Variants in ADGRE2 observed in about 807,000 individuals in gnomAD.
The protein encoded by ADGRE2 is CD97 antigen.
A neutral mutation model predicts 100.8 loss-of-function variants in ADGRE2; 83 were observed. The ratio of observed to expected loss-of-function variants is 0.82; its 90% CI spans 0.69 to 0.99. The LOEUF is 0.99. Among genes scored for constraint, ADGRE2 ranks in the 50% least tolerant of loss-of-function variants. The pLI is 0.00. For synonymous variants in ADGRE2, 355 were observed against 413.0 expected, an observed-to-expected ratio of 0.86 and a Z score of 1.70; for missense variants, 814 against 1,035.7, an observed-to-expected ratio of 0.79 and a Z score of 2.94.
Position 14,738,229 on chromosome 19 carries a change from C to T in ADGRE2, c.2464-1985G>A, listed in dbSNP as rs533211420. ...AACATTTAAAAAGATCTATCTGTTT[C>T]CAAATGTATGTCTTGACCTCGGAGC... On this transcript the variant is annotated intron_variant, in intron 20 of 20. Coordinates refer to ENST00000315576, the MANE Select transcript of ADGRE2 (RefSeq NM_013447.4). Among the ~76,000 whole-genome samples the T allele has an allele frequency of 2.8e-3, 424 of 152,192 alleles. 1 individual carries two copies. The highest frequency in any genetic ancestry group is 0.02 in the Middle Eastern group (6 of 294).
intron 7 of ADGRE2, 191 bp downstream of exon 7, chr19:14,766,043 CT>C (rs1297782542): frequency 8.0e-6 from 10 of 1,257,378 alleles, no homozygotes; most frequent in South Asian, 7.1e-5. Flanking sequence ...TGGGGTCCCC[CT>C]GAGCCTCCCC....
intron 5 of ADGRE2, among the ~76,000 whole-genome samples, chr19:14,767,623 A>G (rs971541588): frequency 6.6e-6 from 1 of 152,130 alleles, no homozygotes; most frequent in Non-Finnish European, 1.5e-5. Context: ...TATGGCTGGA[A>G]GCATCTGAGT....
chr19:14,738,225 G>A (rs1054366962), intron 20 of ADGRE2, among the ~76,000 whole-genome samples: 4 of 152,138 alleles, frequency 2.6e-5, no homozygotes, highest in African/African-American at 7.2e-5. Flanking sequence ...AGATCTATCT[G>A]TTTCCAAATG....
In ADGRE2 at chr19:14,772,808, A is replaced by G. The variant is rs566878070; in HGVS notation, c.200-311T>C. ...TTTAAACCCCATGGCAGCCGGGTGCAGTGGCTCATACCTGTAATCCCAGCA... is the reference window on the plus strand; with the variant it reads ...TTTAAACCCCATGGCAGCCGGGTGCGGTGGCTCATACCTGTAATCCCAGCA... On this transcript the variant is annotated intron_variant, in intron 4 of 20. Coordinates refer to ENST00000315576, the MANE Select transcript of ADGRE2 (RefSeq NM_013447.4). 2.0e-5 allele frequency among the ~76,000 whole-genome samples: 3 copies of G among 151,302 alleles called. No homozygotes were observed. The South Asian group carries it at 6.3e-4, about 32-fold the overall frequency.
At chr19:14,744,508 T>C (rs1408580593) in intron 18 of ADGRE2, among the ~76,000 whole-genome samples, 1 of 152,110 alleles carries the variant, frequency 6.6e-6, no homozygotes, top group Non-Finnish European at 1.5e-5. Context: ...CAGGCTGGAG[T>C]GCAGTGGCGT....
At chr19:14,773,842 G>A in intron 4 of ADGRE2, 96 bp downstream of exon 4, 11 of 1,120,838 alleles carry the variant, frequency 9.8e-6, no homozygotes, top group African/African-American at 1.5e-5. Flanking sequence ...TGGAAGGTAA[G>A]GCTGTGGCCC....
At chr19:14,758,531 G>A (rs944601660) in intron 11 of ADGRE2, among the ~76,000 whole-genome samples, 1 of 152,226 alleles carries the variant, frequency 6.6e-6, no homozygotes, top group Non-Finnish European at 1.5e-5. Flanking sequence ...CAGGGAAATT[G>A]AGGATGTGGA....
chr19:14,754,224 G>A (rs1416187224), intron 14 of ADGRE2, among the ~76,000 whole-genome samples: 1 of 151,828 alleles, frequency 6.6e-6, no homozygotes, highest in Non-Finnish European at 1.5e-5. Context: ...GCCTGCAGAC[G>A]GCCTATCGTG....
In ADGRE2 at chr19:14,772,485, C is replaced by T; in HGVS notation, c.212G>A (p.Cys71Tyr). The T allele has an allele frequency of 1.2e-6, 2 of 1,613,908 alleles. No homozygotes were observed. The highest frequency in any genetic ancestry group is 1.7e-6 in the Non-Finnish European group (2 of 1,179,998). Residue 71 changes from cysteine (C) to tyrosine (Y), a missense_variant, in exon 5 of 21, where the codon TGT becomes TAT. Cys to Tyr is a radical substitution (Grantham distance 194, BLOSUM62 -2). Coordinates refer to ENST00000315576, the MANE Select transcript of ADGRE2 (RefSeq NM_013447.4). ...PMETCDDINECATLSKVSCGK... is the reference protein window; with the variant it reads ...PMETCDDINEYATLSKVSCGK... ...GCATGACACTTTCGACAGTGTTGCA[C>T]ACTCGTTGATGTCTGGAACACAACA...
At chr19:14,731,737 T>A (rs1040666573), downstream of ADGRE2, 3 of 152,432 alleles carry the variant, frequency 2.0e-5, no homozygotes, top group African/African-American at 4.8e-5. Flanking sequence ...TTAACTCTTG[T>A]TTATCTTTGG....
intron 4 of ADGRE2, among the ~76,000 whole-genome samples, chr19:14,773,183 CTG>C (rs1025461616): frequency 6.7e-6 from 1 of 148,686 alleles, no homozygotes; most frequent in African/African-American, 2.5e-5. Context: ...TAACGGTAAA[CTG>C]AGGCACAGAC....
intron 20 of ADGRE2, among the ~76,000 whole-genome samples, chr19:14,738,969 CTTTTTTTTTT>C (rs68029679): frequency 9.5e-6 from 1 of 104,912 alleles, no homozygotes; most frequent in South Asian, 2.8e-4. Flanking sequence ...CTTTTCTTTT[CTTTTTTTTTT>C]TTTTTTTGAG....
chr19:14,775,769 G>T (rs1293831699), intron 2 of ADGRE2, among the ~76,000 whole-genome samples: 1 of 150,798 alleles, frequency 6.6e-6, no homozygotes, highest in African/African-American at 2.4e-5. Context: ...TGAGGCAGGA[G>T]AATCGCTTGA....
chr19:14,771,057 A>T (rs2044188924), intron 5 of ADGRE2, among the ~76,000 whole-genome samples: 2 of 151,950 alleles, frequency 1.3e-5, no homozygotes, highest in Non-Finnish European at 2.9e-5. Context: ...GCATCTGTTC[A>T]CAGGGGACCC....
Position 14,733,338 on chromosome 19 carries a change from A to G in ADGRE2, c.*2898T>C, listed in dbSNP as rs1483305188. On this transcript the variant is annotated 3_prime_UTR_variant, in exon 21 of 21. Transcript: ENST00000315576. ...TTTTTAAAAACTATAAGCAGCCAAAAAAAGCAGACAGTAAAATGCAGATAA... is the reference window on the plus strand; with the variant it reads ...TTTTTAAAAACTATAAGCAGCCAAAGAAAGCAGACAGTAAAATGCAGATAA... The G allele has an allele frequency of 2.0e-5, 3 of 152,214 alleles. No homozygotes were observed. Among genetic ancestry groups the G allele is most frequent in the African/African-American group, 7.2e-5 (3 of 41,446 alleles). The allele number at this position is 152,214 out of a possible 1,614,324, so 9.4% of individuals were successfully genotyped here.
rs1029232440 is a variant in ADGRE2, at chr19:14,743,785, C to T, written c.2184-1G>A. On this transcript the variant is annotated splice_acceptor_variant, in intron 18 of 20. Transcript: ENST00000315576. LOFTEE classifies it high-confidence loss of function. ...AGCTGTCGCTTTAAATGCCAGCATCCTGGATTGAGTAAGAAAGGAGGCTGG... is the reference window on the plus strand; with the variant it reads ...AGCTGTCGCTTTAAATGCCAGCATCTTGGATTGAGTAAGAAAGGAGGCTGG... 8 of 1,613,884 alleles carry T rather than the reference C, an allele frequency of 5.0e-6. No homozygotes were observed. Among genetic ancestry groups the T allele is most frequent in the Non-Finnish European group, 6.8e-6 (8 of 1,179,830 alleles).
chr19:14,732,837 CATTT>C lies in ADGRE2; in HGVS notation c.*3395_*3398del, dbSNP rs2042686231. The C allele has an allele frequency of 6.6e-6, 1 of 152,092 alleles. No homozygotes were observed. The highest frequency in any genetic ancestry group is 2.4e-5 in the African/African-American group (1 of 41,400). The allele number at this position is 152,092 out of a possible 1,614,324, so 9.4% of individuals were successfully genotyped here. A position where few individuals can be genotyped will look rare whatever the true frequency, so the allele number is the denominator to read the frequency against. The stretch of plus-strand genomic sequence containing the variant: ...TTATTAAAACATAGCCATGATCATT[CATTT>C]ATGATTGTCTATAGCTGTTTTCATA... On this transcript the variant is annotated 3_prime_UTR_variant, in exon 21 of 21. Transcript: ENST00000315576.
intron 5 of ADGRE2, among the ~76,000 whole-genome samples, chr19:14,770,103 G>A (rs932780263): frequency 7.2e-5 from 11 of 152,082 alleles, no homozygotes; most frequent in South Asian, 2.1e-4. Flanking sequence ...CAAATCTCAC[G>A]TTGAAATGTG....
At chr19:14,745,270 G>A (rs2043053474) in intron 18 of ADGRE2, among the ~76,000 whole-genome samples, 1 of 152,072 alleles carries the variant, frequency 6.6e-6, no homozygotes, top group South Asian at 2.1e-4. Flanking sequence ...TAACCTTTTA[G>A]TTTATTGATT....
Sources: allele counts gnomAD v4.1 joint callset (sites outside exome capture counted in the v4.1 genomes callset), GRCh38; gene constraint gnomAD v4.1.1; transcripts MANE v1.5; gene names NCBI Gene and HGNC (gene_info 2026-07-23, HGNC 2026-07-21).